ANKRD17: variants seen among roughly 807,000 people sequenced by gnomAD.
The protein encoded by ANKRD17 is ankyrin repeat domain 17.
In ANKRD17, 19 loss-of-function variants were observed where a neutral mutation model predicts 229.7. The observed-to-expected ratio is 0.08, with a 90% CI of 0.06 to 0.12. The LOEUF (loss-of-function observed/expected upper bound fraction) is 0.12. Ranked by LOEUF, ANKRD17 falls within the 10% of genes least tolerant of loss-of-function variation. The pLI is 1.00. For synonymous variants in ANKRD17, 1,112 were observed against 1,146.1 expected (o/e 0.97, Z 0.60); for missense variants, 2,176 against 3,176.8 (o/e 0.68, Z 7.57).
At chr4:73,144,457 C>T (rs891799937) in intron 11 of ANKRD17, among the ~76,000 whole-genome samples, 4 of 152,162 alleles carry the variant, frequency 2.6e-5, no homozygotes, top group African/African-American at 9.7e-5. Context: ...AGTACATGAA[C>T]ACAGCAGAGT....
At position 73,098,466 on chromosome 4, in the gene ANKRD17, C is replaced by T; in HGVS notation, c.4628G>A (p.Gly1543Asp). The change falls in exon 26 of 34, where the codon GGT becomes GAT. Residue 1543 changes from glycine to aspartate, a missense_variant. This residue lies in a region of ANKRD17 where 105 missense variants were observed against 118.3 expected (regional missense o/e 0.89). Transcript: ENST00000358602. ...PPSATTTTTI[G>D]ISATWTTLAG... is the part of the protein sequence containing the mutation. Reference sequence around the variant, plus strand: ...CAAAGTTGTCCAGGTTGCAGATATACCTATGGTAGTAGTGGTTGTGGCACT... The same window carrying T: ...CAAAGTTGTCCAGGTTGCAGATATATCTATGGTAGTAGTGGTTGTGGCACT... The T allele has an allele frequency of 6.2e-7, 1 of 1,614,060 alleles. No individual in the cohort carries two copies. Among genetic ancestry groups the T allele is most frequent in the Non-Finnish European group, 8.5e-7 (1 of 1,180,024 alleles).
At position 73,120,221 on chromosome 4, in the gene ANKRD17, T is replaced by C; in HGVS notation, c.3966A>G (p.Thr1322=). The change falls in exon 21 of 34, where the codon ACA becomes ACG. Residue 1322 remains threonine (T), a synonymous_variant. Coordinates refer to ENST00000358602, the MANE Select transcript of ANKRD17 (RefSeq NM_032217.5). ...NAPPVPSSRD[T]ALTIAADKGH... Reference sequence around the variant, plus strand: ...CTTTATCTGCTGCTATGGTTAAAGCTGTATCTCTTGAGGAGGGAACTGGAG... The same window carrying C: ...CTTTATCTGCTGCTATGGTTAAAGCCGTATCTCTTGAGGAGGGAACTGGAG... 6.2e-7 allele frequency: 1 copy of C among 1,614,126 alleles called. No individual in the cohort carries two copies. Among genetic ancestry groups the C allele is most frequent in the Non-Finnish European group, 8.5e-7 (1 of 1,180,014 alleles).
At chr4:73,084,972 G>A (rs933352214) in intron 30 of ANKRD17, among the ~76,000 whole-genome samples, 2 of 152,056 alleles carry the variant, frequency 1.3e-5, no homozygotes, top group African/African-American at 4.8e-5. Context: ...CAGCCCAGGA[G>A]TTTGACGAAA....
At chr4:73,095,985 C>G (rs1041536819) in intron 27 of ANKRD17, among the ~76,000 whole-genome samples, 6 of 152,134 alleles carry the variant, frequency 3.9e-5, no homozygotes, top group African/African-American at 1.4e-4. Flanking sequence ...CCACAGGTGT[C>G]AGGCCCGAAT....
intron 24 of ANKRD17, among the ~76,000 whole-genome samples, chr4:73,108,972 G>T (rs1231100371): frequency 6.6e-6 from 1 of 152,176 alleles, no homozygotes; most frequent in Non-Finnish European, 1.5e-5. Context: ...AAACCATATA[G>T]GATCTGGTAC....
chr4:73,087,557 A>C (rs1722326620), intron 29 of ANKRD17, among the ~76,000 whole-genome samples: 1 of 152,232 alleles, frequency 6.6e-6, no homozygotes. Context: ...CTTTAGACAG[A>C]GGGAGACCAA....
At chr4:73,169,891 C>T (rs1444736578) in intron 2 of ANKRD17, among the ~76,000 whole-genome samples, 2 of 152,038 alleles carry the variant, frequency 1.3e-5, no homozygotes, top group African/African-American at 2.4e-5. Context: ...CAGGCATAGC[C>T]GCAAGGAAAT....
In ANKRD17 at chr4:73,074,053, G is replaced by A. The variant is rs1720863945; in HGVS notation, c.*2178C>T. 1.3e-5 allele frequency: 2 copies of A among 151,912 alleles called. No homozygotes were observed. Among genetic ancestry groups the A allele is most frequent in the Admixed American group, 6.6e-5 (1 of 15,262 alleles). The allele number at this position is 151,912 out of a possible 1,614,324, so 9.4% of individuals were successfully genotyped here. Reference sequence around the variant, plus strand: ...AATATAAAAAATGTATTTTAAAAATGTTCCTAGTACAGACTTCTAAAACCA... The same window carrying A: ...AATATAAAAAATGTATTTTAAAAATATTCCTAGTACAGACTTCTAAAACCA... On this transcript the variant is annotated 3_prime_UTR_variant, in exon 34 of 34. Transcript: ENST00000358602.
intron 1 of ANKRD17, among the ~76,000 whole-genome samples, chr4:73,198,010 G>A (rs1286356486): frequency 6.6e-6 from 1 of 152,102 alleles, no homozygotes; most frequent in Admixed American, 6.6e-5. Flanking sequence ...ATAAATGATT[G>A]TAACTTCAGA....
At chr4:73,253,893 C>T (rs1454109319) in intron 1 of ANKRD17, among the ~76,000 whole-genome samples, 4 of 152,196 alleles carry the variant, frequency 2.6e-5, no homozygotes, top group African/African-American at 9.7e-5. Flanking sequence ...TCCATTCCTT[C>T]TCTTCTTTCC....
intron 24 of ANKRD17, among the ~76,000 whole-genome samples, chr4:73,110,929 C>T (rs1725239112): frequency 6.6e-6 from 1 of 152,150 alleles, no homozygotes; most frequent in South Asian, 2.1e-4. Context: ...CTTCTCTTGA[C>T]TTCTCTTAAA....
chr4:73,250,589 CAAAAAAAAAAAA>C (rs35160047), intron 1 of ANKRD17, among the ~76,000 whole-genome samples: 6 of 29,388 alleles, frequency 2.0e-4, no homozygotes, highest in Non-Finnish European at 2.7e-4. Context: ...GACCTTGTCT[CAAAAAAAAAAAA>C]AAAAAAAAAA....
intron 1 of ANKRD17, among the ~76,000 whole-genome samples, chr4:73,202,304 G>A (rs1738770663): frequency 9.5e-6 from 1 of 105,264 alleles, no homozygotes; most frequent in South Asian, 3.3e-4. Flanking sequence ...CCAAACCCAA[G>A]GCAGGAACAG....
intron 2 of ANKRD17, among the ~76,000 whole-genome samples, chr4:73,167,875 G>A (rs964340407): frequency 6.6e-6 from 1 of 152,116 alleles, no homozygotes; most frequent in African/African-American, 2.4e-5. Flanking sequence ...AATACCGGTT[G>A]GGCACAGTGG....
At chr4:73,121,488 T>C in intron 19 of ANKRD17, 129 bp downstream of exon 19, 1 of 1,129,810 alleles carries the variant, frequency 8.9e-7, no homozygotes, top group Non-Finnish European at 1.3e-6. Context: ...CTCAAAAATC[T>C]CTAACACTTT....
At chr4:73,246,498 T>C (rs1744513478) in intron 1 of ANKRD17, among the ~76,000 whole-genome samples, 1 of 152,130 alleles carries the variant, frequency 6.6e-6, no homozygotes, top group Non-Finnish European at 1.5e-5. Context: ...AATTAGGTGT[T>C]GGAAGAAAGG....
rs1402256596 is a variant in ANKRD17 at position 73,077,508 on chromosome 4, C to T, written c.7434G>A (p.Gly2478=). 6 of 1,611,022 alleles carry T rather than the reference C, an allele frequency of 3.7e-6. No individual in the cohort carries two copies. Among genetic ancestry groups the T allele is most frequent in the Admixed American group, 3.4e-5 (2 of 59,470 alleles). The change falls in exon 32 of 34, where the codon GGG becomes GGA. Residue 2478 remains glycine, a synonymous_variant. Transcript: ENST00000358602. ...GTCTGTGGATCATAGGATTTCCCAT[C>T]CCAGGGTTACACCAGTCTACTTTGT... The part of the protein sequence containing the change: ...NQDKVDWCNP[G]MGNPMIHRPM...
In ANKRD17 at chr4:73,091,761, C is replaced by T; in HGVS notation, c.5867G>A (p.Gly1956Asp). 6.2e-7 allele frequency: 1 copy of T among 1,614,164 alleles called. No individual in the cohort carries two copies. The highest frequency in any genetic ancestry group is 8.5e-7 in the Non-Finnish European group (1 of 1,180,036). Reference sequence around the variant, plus strand: ...AGAACCTGCTGAATTCACCTGAGAACCACTGCTATTCTGATTGCTATGGCG... The same window carrying T: ...AGAACCTGCTGAATTCACCTGAGAATCACTGCTATTCTGATTGCTATGGCG... ...VPRHSNQNSS[G>D]SQVNSAGSLT... Residue 1956 changes from glycine (G) to aspartate (D), a missense_variant, in exon 29 of 34, where the codon GGT (glycine) becomes GAT (aspartate). This residue lies in a region of ANKRD17 where 424 missense variants were observed against 454.0 expected (regional missense o/e 0.93). Coordinates refer to ENST00000358602, the MANE Select transcript of ANKRD17 (RefSeq NM_032217.5).
intron 1 of ANKRD17, among the ~76,000 whole-genome samples, chr4:73,255,471 T>C (rs897122231): frequency 3.3e-5 from 5 of 152,184 alleles, no homozygotes; most frequent in African/African-American, 1.2e-4. Flanking sequence ...TTTTATTGTG[T>C]AGCCTATAAC....
Sources: allele counts gnomAD v4.1 joint callset (sites outside exome capture counted in the v4.1 genomes callset), GRCh38; gene constraint gnomAD v4.1.1; regional missense constraint gnomAD v4.1.1; transcripts MANE v1.5; gene names NCBI Gene and HGNC (gene_info 2026-07-23, HGNC 2026-07-21).